The following CEMIP variants were observed in gnomAD, a reference collection of about 807,000 sequenced individuals.
CEMIP encodes cell migration inducing hyaluronidase 1.
In CEMIP, 105 loss-of-function variants were observed where a neutral mutation model predicts 156.9. The observed-to-expected ratio is 0.67, with a 90% CI of 0.57 to 0.79. The LOEUF is 0.79. Among genes scored for constraint, CEMIP ranks in the 30% least tolerant of loss-of-function variants. The pLI is 0.00. For synonymous variants in CEMIP, 676 were observed against 668.4 expected (o/e 1.01, Z -0.17); for missense variants, 1,457 against 1,769.4 (o/e 0.82, Z 3.17).
intron 1 of CEMIP, among the ~76,000 whole-genome samples, chr15:80,789,261 G>A (rs1285145934): frequency 1.3e-5 from 2 of 152,168 alleles, no homozygotes; most frequent in African/African-American, 4.8e-5. Flanking sequence ...TTGAATTTGG[G>A]GTGTGGGGCT....
intron 25 of CEMIP, among the ~76,000 whole-genome samples, chr15:80,939,849 A>G (rs1161108247): frequency 6.6e-6 from 1 of 152,218 alleles, no homozygotes; most frequent in Non-Finnish European, 1.5e-5. Flanking sequence ...TTTAGCAGCT[A>G]CCTTCTAATA....
intron 1 of CEMIP, among the ~76,000 whole-genome samples, chr15:80,813,045 T>A (rs1040594735): frequency 7.2e-5 from 11 of 152,220 alleles, no homozygotes; most frequent in African/African-American, 2.4e-4. Context: ...CCCTTTACAA[T>A]GCATGATTAA....
intron 1 of CEMIP, among the ~76,000 whole-genome samples, chr15:80,799,564 G>A (rs1896323127): frequency 6.6e-6 from 1 of 152,182 alleles, no homozygotes; most frequent in African/African-American, 2.4e-5. Context: ...CTGTTACTGA[G>A]CATCTGCCCA....
chr15:80,797,667 C>CTT (rs3082923), intron 1 of CEMIP, among the ~76,000 whole-genome samples: 148,436 of 152,322 alleles, frequency 0.97, 72,430 homozygotes, highest in East Asian at 1. Context: ...TTTAGCTCCT[C>CTT]TCCTCTGCTG....
intron 1 of CEMIP, among the ~76,000 whole-genome samples, chr15:80,783,843 T>C (rs1465715776): frequency 6.6e-6 from 1 of 152,216 alleles, no homozygotes; most frequent in African/African-American, 2.4e-5. Flanking sequence ...AGAAATGTCA[T>C]CAAATATACA....
At chr15:80,782,905 C>A (rs75700900) in intron 1 of CEMIP, among the ~76,000 whole-genome samples, 5,499 of 152,268 alleles carry the variant, frequency 0.036, 326 homozygotes, top group African/African-American at 0.13. Context: ...ATACCCATGG[C>A]TTTCTGGTAA....
At chr15:80,848,900 G>GCGCACA (rs1555430239) in intron 1 of CEMIP, among the ~76,000 whole-genome samples, 9 of 134,632 alleles carry the variant, frequency 6.7e-5, no homozygotes, top group East Asian at 2.2e-4. Context: ...GTGTGCGCGT[G>GCGCACA]CACACACACA....
chr15:80,922,851 AT>A (rs1462292592), intron 17 of CEMIP, among the ~76,000 whole-genome samples: 2 of 152,178 alleles, frequency 1.3e-5, no homozygotes, highest in Non-Finnish European at 2.9e-5. Flanking sequence ...AGCTTGGAGC[AT>A]GGCTGAGACC....
chr15:80,875,153 C>T (rs1898434216), intron 3 of CEMIP, among the ~76,000 whole-genome samples: 1 of 150,784 alleles, frequency 6.6e-6, no homozygotes, highest in African/African-American at 2.4e-5. Context: ...CTCATCTCAG[C>T]CTCCCTAGTA....
At chr15:80,861,686 A>G (rs577447894) in intron 1 of CEMIP, among the ~76,000 whole-genome samples, 5 of 152,384 alleles carry the variant, frequency 3.3e-5, no homozygotes, top group Admixed American at 3.3e-4. Flanking sequence ...CCCAGAAACA[A>G]GTAGGCACAC....
In CEMIP at chr15:80,909,171, G is replaced by A. The variant is rs1326143111; in HGVS notation, c.1662G>A (p.Gln554=). Reference sequence around the variant, plus strand: ...ATATGGGACAGCAGCTGGTGGGTCAGTACCCGATTCACTTCCACCTGGCCG... The same window carrying A: ...ATATGGGACAGCAGCTGGTGGGTCAATACCCGATTCACTTCCACCTGGCCG... ...LKHMGQQLVG[Q]YPIHFHLAGD... is the part of the protein sequence containing the mutation. The change falls in exon 14 of 30, where the codon CAG becomes CAA. Residue 554 remains glutamine (Q), a synonymous_variant. Transcript: ENST00000394685. The A allele has an allele frequency of 6.2e-7, 1 of 1,614,168 alleles. No individual in the cohort carries two copies. Among genetic ancestry groups the A allele is most frequent in the African/African-American group, 1.3e-5 (1 of 75,044 alleles).
rs1458719655 is a variant in CEMIP, at chr15:80,884,368, C to G, written c.797+14C>G. The G allele has an allele frequency of 6.2e-7, 1 of 1,613,746 alleles. No individual in the cohort carries two copies. The highest frequency in any genetic ancestry group is 8.5e-7 in the Non-Finnish European group (1 of 1,179,888). On this transcript the variant is annotated intron_variant, in intron 7 of 29. Transcript: ENST00000394685. ...CCTTGGATTTAGGTACTGCCCCTCA[C>G]TTCGGCTTCCACTGGGCTCTGGAAC...
In CEMIP at chr15:80,893,219, A is replaced by G. The variant is rs562426277; in HGVS notation, c.1087-1771A>G. Among the ~76,000 whole-genome samples the G allele has an allele frequency of 2.5e-3, 355 of 144,004 alleles. 1 individual carries two copies. The highest frequency in any genetic ancestry group is 3.3e-3 in the Non-Finnish European group (209 of 63,814). The allele number at this position is 144,004 out of a possible 152,430, so 94.5% of individuals were successfully genotyped here. On this transcript the variant is annotated intron_variant, in intron 10 of 29. Coordinates refer to ENST00000394685, the MANE Select transcript of CEMIP (RefSeq NM_001293298.2). ...TAAATGAAATGAAATGAAATGAAAT[A>G]AAATAAAATAAATTTACTATTAGTT...
intron 1 of CEMIP, among the ~76,000 whole-genome samples, chr15:80,857,713 A>G (rs1184496140): frequency 6.6e-6 from 1 of 152,224 alleles, no homozygotes; most frequent in Non-Finnish European, 1.5e-5. Context: ...CCACACTCTG[A>G]GTAGCATCAC....
intron 1 of CEMIP, among the ~76,000 whole-genome samples, chr15:80,860,024 C>T (rs554460221): frequency 1.3e-5 from 2 of 152,156 alleles, no homozygotes; most frequent in Admixed American, 6.5e-5. Context: ...CAGGCACACA[C>T]GCACACACAC....
intron 1 of CEMIP, among the ~76,000 whole-genome samples, chr15:80,795,125 G>A (rs958362626): frequency 6.6e-6 from 1 of 152,056 alleles, no homozygotes; most frequent in Non-Finnish European, 1.5e-5. Context: ...AGGCAGGGGT[G>A]AGGGGGCAGG....
chr15:80,784,577 G>C, intron 1 of CEMIP, among the ~76,000 whole-genome samples: 1 of 152,158 alleles, frequency 6.6e-6, no homozygotes, highest in East Asian at 1.9e-4. Flanking sequence ...AGTGTTCCTT[G>C]GGGACTGCTT....
intron 15 of CEMIP, among the ~76,000 whole-genome samples, chr15:80,920,742 G>A (rs1040719535): frequency 3.9e-5 from 6 of 152,178 alleles, no homozygotes; most frequent in African/African-American, 1.4e-4. Flanking sequence ...CTACTTTCCT[G>A]GGTTCTTCTG....
chr15:80,898,384 G>T (rs1899319677), intron 12 of CEMIP, among the ~76,000 whole-genome samples: 1 of 152,142 alleles, frequency 6.6e-6, no homozygotes, highest in Non-Finnish European at 1.5e-5. Context: ...ATATTGCCTA[G>T]CACACAGTAA....
Sources: allele counts gnomAD v4.1 joint callset (sites outside exome capture counted in the v4.1 genomes callset), GRCh38; gene constraint gnomAD v4.1.1; transcripts MANE v1.5; gene names NCBI Gene and HGNC (gene_info 2026-07-23, HGNC 2026-07-21).